CPNE7: variants seen among roughly 807,000 people sequenced by gnomAD.
CPNE7 encodes copine-7.
CPNE7 carries 78 observed loss-of-function variants against 66.5 expected under a neutral mutation model. The observed-to-expected ratio is 1.17, with a 90% CI of 0.98 to 1.42. The LOEUF (loss-of-function observed/expected upper bound fraction) is 1.42, where lower values mean the gene tolerates loss of function less well. Ranked by LOEUF, CPNE7 falls within the 40% of genes most tolerant of loss-of-function variation. The pLI, the probability that CPNE7 is intolerant of heterozygous loss-of-function variation, is 0.00. For missense variants in CPNE7, 1,012 were observed against 776.6 expected, an observed-to-expected ratio of 1.30 and a Z score of -3.60; for synonymous variants, 468 against 336.7, an observed-to-expected ratio of 1.39 and a Z score of -4.27.
intron 10 of CPNE7, 46 bp downstream of exon 10, chr16:89,588,854 A>C (rs770804053): frequency 8.7e-6 from 14 of 1,605,342 alleles, no homozygotes; most frequent in Admixed American, 3.3e-5. Flanking sequence ...CAGGTCAGCT[A>C]TGACAGGTGC....
chr16:89,596,659 G>C lies in CPNE7; in HGVS notation c.*38G>C. 6.5e-7 allele frequency: 1 copy of C among 1,547,972 alleles called. No homozygotes were observed. The highest frequency in any genetic ancestry group is 8.7e-7 in the Non-Finnish European group (1 of 1,154,766). On this transcript the variant is annotated 3_prime_UTR_variant, in exon 15 of 15. Transcript: ENST00000319518. The stretch of plus-strand genomic sequence containing the variant: ...CGTAGGGTGGGGGCAGTGAGGAATG[G>C]GTCCGTACAGCCTCTGTCTGCAACA...
chr16:89,582,478 G>A (rs942864138), intron 2 of CPNE7, among the ~76,000 whole-genome samples: 8 of 152,210 alleles, frequency 5.3e-5, no homozygotes, highest in Non-Finnish European at 8.8e-5. Context: ...AAACCAGGCC[G>A]GCAGGCGAGT....
In CPNE7 at chr16:89,588,819, C is replaced by T. The variant is rs374167787; in HGVS notation, c.1061+11C>T. ...CCAGGACTATGACAGGTGCGCCCAC[C>T]ACCTTCCCCTCACCCCCTGGTCTCC... is the stretch of plus-strand genomic sequence containing the variant. On this transcript the variant is annotated intron_variant, in intron 10 of 14. Coordinates refer to ENST00000319518, the MANE Select transcript of CPNE7 (RefSeq NM_153636.3). 1.3e-5 allele frequency: 21 copies of T among 1,612,710 alleles called. No individual in the cohort carries two copies. Among genetic ancestry groups the T allele is most frequent in the African/African-American group, 9.3e-5 (7 of 74,912 alleles).
Position 89,586,728 on chromosome 16 carries a change from C to T in CPNE7, c.839C>T (p.Ser280Leu). The T allele has an allele frequency of 1.2e-6, 2 of 1,612,776 alleles. No individual in the cohort carries two copies. Among genetic ancestry groups the T allele is most frequent in the Non-Finnish European group, 1.7e-6 (2 of 1,179,640 alleles). ...YKQKRRSYKN[S>L]GVVVLADLKF... Reference sequence around the variant, plus strand: ...CAGAAGAGACGCAGTTATAAGAACTCAGGAGTGGTCGTCCTGGCTGACCTC... The same window carrying T: ...CAGAAGAGACGCAGTTATAAGAACTTAGGAGTGGTCGTCCTGGCTGACCTC... The change falls in exon 8 of 15, where the codon TCA (serine) becomes TTA (leucine). Residue 280 changes from serine to leucine, a missense_variant. Transcript: ENST00000319518.
In CPNE7 at chr16:89,575,916, C is replaced by A; in HGVS notation, c.19C>A (p.Arg7Ser). 8.0e-7 allele frequency: 1 copy of A among 1,250,066 alleles called. No individual in the cohort carries two copies. The highest frequency in any genetic ancestry group is 2.9e-5 in the South Asian group (1 of 34,260). The allele number at this position is 1,250,066 out of a possible 1,614,324, so 77.4% of individuals were successfully genotyped here. Residue 7 changes from arginine (R) to serine (S), a missense_variant, in exon 1 of 15, where the codon CGC (arginine) becomes AGC (serine). By Grantham distance (110) the Arg-to-Ser change is moderately radical. Coordinates refer to ENST00000319518, the MANE Select transcript of CPNE7 (RefSeq NM_153636.3). ...CGGGAGCATGAGCGCGGGCTCGGAG[C>A]GCGGGGCGGCGGCAACCCCCGGGGG... MSAGSE[R>S]GAAATPGGLP...
At chr16:89,595,341 T>C (rs1415101620) in intron 13 of CPNE7, 26 bp from the exon 14 acceptor site, 1 of 1,538,974 alleles carries the variant, frequency 6.5e-7, no homozygotes, top group African/African-American at 1.4e-5. Context: ...GGTGTGGTGT[T>C]GCTGATGCCT....
chr16:89,592,039 G>A (rs141203823), intron 13 of CPNE7, among the ~76,000 whole-genome samples: 15,077 of 135,856 alleles, frequency 0.11, 990 homozygotes, highest in South Asian at 0.21. Context: ...ACGGAGTCTC[G>A]CTCTGTCACC....
At chr16:89,586,997 C>A in intron 8 of CPNE7, 46 bp from the exon 9 acceptor site, 1 of 1,545,640 alleles carries the variant, frequency 6.5e-7, no homozygotes, top group Non-Finnish European at 8.8e-7. Flanking sequence ...TGGCACTGGC[C>A]TCAGTGTCCC....
chr16:89,576,005 C>T lies in CPNE7; in HGVS notation c.108C>T (p.Arg36=). Residue 36 remains arginine (R), a synonymous_variant, in exon 1 of 15, where the codon CGC becomes CGT. Coordinates refer to ENST00000319518, the MANE Select transcript of CPNE7 (RefSeq NM_153636.3). The part of the protein sequence containing the change: ...LRLSCRHLLD[R]DPLTKSDPSV... ...TCAGCTGCCGGCACCTGCTGGACCG[C>T]GACCCGCTCACCAAGTCCGACCCCA... 5.1e-6 allele frequency: 7 copies of T among 1,375,390 alleles called. No homozygotes were observed. Among genetic ancestry groups the T allele is most frequent in the Non-Finnish European group, 6.6e-6 (7 of 1,063,576 alleles). 85.2% of individuals were successfully genotyped at this position (1,375,390 alleles called of 1,614,324 possible).
Position 89,584,702 on chromosome 16 carries a change from C to CTGCTTCAGCCTCCCAAATG in CPNE7, c.508-72_508-71insTGCTTCAGCCTCCCAAATG. ...GTGGCATGAAGTGAGCCCTGGGAAA[C>CTGCTTCAGCCTCCCAAATG]GACAAAGCCAGCTCCCATCCAAAGC... On this transcript the variant is annotated intron_variant, in intron 4 of 14. Coordinates refer to ENST00000319518, the MANE Select transcript of CPNE7 (RefSeq NM_153636.3). This position sits in a 1 kb window ranked among gnomAD's most constrained non-coding sequence, Gnocchi z 6.0. 8.5e-7 allele frequency: 1 copy of CTGCTTCAGCCTCCCAAATG among 1,182,562 alleles called. No homozygotes were observed. 73.3% of individuals were successfully genotyped at this position (1,182,562 alleles called of 1,614,324 possible).
Position 89,597,176 on chromosome 16 carries a change from CGGGGTCTG to C in CPNE7, c.*556_*563del. On this transcript the variant is annotated 3_prime_UTR_variant, in exon 15 of 15. Transcript: ENST00000319518. ...GGGTCCATGGGGTCTGCGGGGTCTGCGGGGTCTGCCTGGCCTGTGGGTTCTGCCGGTGG... is the reference window on the plus strand; with the variant it reads ...GGGTCCATGGGGTCTGCGGGGTCTGCCCTGGCCTGTGGGTTCTGCCGGTGG... 6.8e-6 allele frequency: 1 copy of C among 147,612 alleles called. No individual in the cohort carries two copies. The highest frequency in any genetic ancestry group is 2.4e-5 in the African/African-American group (1 of 41,160). 9.1% of individuals were successfully genotyped at this position (147,612 alleles called of 1,614,324 possible). A position where few individuals can be genotyped will look rare whatever the true frequency, so the allele number is the denominator to read the frequency against.
In CPNE7 at chr16:89,591,138, G is replaced by A. The variant is rs368685442; in HGVS notation, c.1180G>A (p.Val394Met). The A allele has an allele frequency of 5.5e-5, 88 of 1,611,708 alleles. No individual in the cohort carries two copies. The highest frequency in any genetic ancestry group is 8.9e-5 in the East Asian group (4 of 44,840). Reference protein sequence around the residue: ...EDDECEGIQGVVEAYQNCLPR... With the variant: ...EDDECEGIQGMVEAYQNCLPR... Reference sequence around the variant, plus strand: ...CCTGCCCCCCACAGGCATCCAGGGCGTGGTGGAGGCCTACCAGAACTGCCT... The same window carrying A: ...CCTGCCCCCCACAGGCATCCAGGGCATGGTGGAGGCCTACCAGAACTGCCT... Residue 394 changes from valine (V) to methionine (M), a missense_variant, in exon 13 of 15, where the codon GTG becomes ATG. By Grantham distance (21) the Val-to-Met change is conservative. Transcript: ENST00000319518.
At chr16:89,592,509 C>T (rs900200363) in intron 13 of CPNE7, among the ~76,000 whole-genome samples, 3 of 147,156 alleles carry the variant, frequency 2.0e-5, no homozygotes, top group Middle Eastern at 3.2e-3. Context: ...GTGGTGCAAT[C>T]TCGGCTCACT....
chr16:89,591,791 C>T (rs2059173927), intron 13 of CPNE7, among the ~76,000 whole-genome samples: 1 of 151,978 alleles, frequency 6.6e-6, no homozygotes, highest in South Asian at 2.1e-4. Flanking sequence ...CCTCTGCTTC[C>T]CGGGGTTCAC....
Position 89,586,659 on chromosome 16 carries a change from T to G in CPNE7, c.781-11T>G. The G allele has an allele frequency of 6.2e-7, 1 of 1,611,468 alleles. No individual in the cohort carries two copies. The highest frequency in any genetic ancestry group is 8.5e-7 in the Non-Finnish European group (1 of 1,178,436). ...ACCACTCTGGGGGGCCTCTGCTTGT[T>G]CCTGCCCCAGGCCCAGTGGGACTGT... On this transcript the variant is annotated splice_polypyrimidine_tract_variant and intron_variant, in intron 7 of 14. Transcript: ENST00000319518.
At chr16:89,590,328 C>G (rs2059148427) in intron 11 of CPNE7, among the ~76,000 whole-genome samples, 1 of 152,136 alleles carries the variant, frequency 6.6e-6, no homozygotes, top group East Asian at 1.9e-4. Context: ...AGTTCCAGAC[C>G]AGCCTGGCCA....
Position 89,589,928 on chromosome 16 carries a change from G to A in CPNE7, c.1093G>A (p.Ala365Thr). The change falls in exon 11 of 15, where the codon GCC becomes ACC. Residue 365 changes from alanine (A) to threonine (T), a missense_variant. Coordinates refer to ENST00000319518, the MANE Select transcript of CPNE7 (RefSeq NM_153636.3). Reference protein sequence around the residue: ...DKRFSALGFGARIPPKYEVSH... With the variant: ...DKRFSALGFGTRIPPKYEVSH... ...GAGGTTTTCCGCTTTGGGGTTTGGAGCCCGGATCCCTCCCAAGTATGAGGT... is the reference window on the plus strand; with the variant it reads ...GAGGTTTTCCGCTTTGGGGTTTGGAACCCGGATCCCTCCCAAGTATGAGGT... 1 of 1,613,732 alleles carries A rather than the reference G, an allele frequency of 6.2e-7. No homozygotes were observed. Among genetic ancestry groups the A allele is most frequent in the East Asian group, 2.2e-5 (1 of 44,876 alleles).
At chr16:89,595,726 G>C (rs2059244612) in intron 14 of CPNE7, 123 bp downstream of exon 14, 1 of 897,824 alleles carries the variant, frequency 1.1e-6, no homozygotes, top group East Asian at 2.4e-5. Flanking sequence ...TGTGTCTGGG[G>C]GATCCTGGGC....
chr16:89,583,409 T>C (rs1341941597), intron 2 of CPNE7: 1 of 1,543,138 alleles, frequency 6.5e-7, no homozygotes, highest in Admixed American at 2.0e-5. Context: ...GCTTCCTGGC[T>C]TCCACCTGAG....
Sources: gnomAD v4.1 joint callset for allele counts (sites outside exome capture counted in the v4.1 genomes callset) on GRCh38, gnomAD v4.1.1 for gene constraint, Gnocchi (gnomAD v3.1) non-coding constraint, MANE v1.5 for transcripts, NCBI Gene and HGNC (gene_info 2026-07-23, HGNC 2026-07-21) for gene names.